The following SH3KBP1 variants were observed in gnomAD, a reference collection of about 807,000 sequenced individuals.
SH3KBP1 encodes SH3 domain-containing kinase-binding protein 1.
In SH3KBP1, 8 loss-of-function variants were observed where a neutral mutation model predicts 50.1. The observed-to-expected ratio is 0.16, with a 90% CI of 0.09 to 0.29. SH3KBP1 has a LOEUF of 0.29. Among genes scored for constraint, SH3KBP1 ranks in the 10% least tolerant of loss-of-function variants. The pLI, the probability that SH3KBP1 is intolerant of heterozygous loss-of-function variation, is 1.00. For synonymous variants in SH3KBP1, 227 were observed against 218.6 expected, an observed-to-expected ratio of 1.04 and a Z score of -0.34; for missense variants, 377 against 535.2, an observed-to-expected ratio of 0.70 and a Z score of 2.92.
At chrX:19,827,575 G>A (rs1311002329) in intron 2 of SH3KBP1, among the ~76,000 whole-genome samples, 1 of 110,966 alleles carries the variant, frequency 9.0e-6, no homozygotes, top group Non-Finnish European at 1.9e-5. Context: ...CCTTCCAGGA[G>A]AACTCAGAAG....
intron 5 of SH3KBP1, among the ~76,000 whole-genome samples, chrX:19,688,298 T>C (rs966945004): frequency 9.0e-6 from 1 of 111,419 alleles, no homozygotes; most frequent in African/African-American, 3.3e-5. Flanking sequence ...CCACTGAGGT[T>C]TGAAACCAAC....
intron 8 of SH3KBP1, among the ~76,000 whole-genome samples, chrX:19,615,542 A>G (rs2067581844): frequency 8.9e-6 from 1 of 112,250 alleles, no homozygotes; most frequent in South Asian, 3.7e-4. Flanking sequence ...CGCCTTCTGC[A>G]TAGAGCTTAG....
intron 8 of SH3KBP1, among the ~76,000 whole-genome samples, chrX:19,621,241 ATTTTTTT>A (rs35328957): frequency 6.2e-5 from 4 of 64,584 alleles, no homozygotes; most frequent in Non-Finnish European, 1.1e-4. Flanking sequence ...CACCTGGCTA[ATTTTTTT>A]TTTTTTTTTT....
intron 2 of SH3KBP1, among the ~76,000 whole-genome samples, chrX:19,772,299 T>C (rs2065811067): frequency 9.0e-6 from 1 of 111,269 alleles, no homozygotes; most frequent in South Asian, 3.8e-4. Flanking sequence ...GGAAATCCAC[T>C]GGTACAGCTG....
At chrX:19,654,625 A>G (rs1220626484) in intron 6 of SH3KBP1, among the ~76,000 whole-genome samples, 1 of 112,445 alleles carries the variant, frequency 8.9e-6, no homozygotes, top group Non-Finnish European at 1.9e-5. Flanking sequence ...ATTTGCCATC[A>G]TGCTTTAAAA....
chrX:19,813,623 C>T (rs1259165656), intron 2 of SH3KBP1, among the ~76,000 whole-genome samples: 2 of 111,699 alleles, frequency 1.8e-5, no homozygotes, highest in Non-Finnish European at 3.8e-5. Context: ...TAGCATCTCC[C>T]CTTTGCTTTC....
chrX:19,711,602 C>T (rs1183835286), intron 3 of SH3KBP1, among the ~76,000 whole-genome samples: 1 of 103,905 alleles, frequency 9.6e-6, no homozygotes, highest in African/African-American at 3.5e-5. Flanking sequence ...CCCCACCCCA[C>T]CACCTCTTTT....
chrX:19,693,024 C>T (rs2063336447), intron 5 of SH3KBP1, among the ~76,000 whole-genome samples: 1 of 111,133 alleles, frequency 9.0e-6, no homozygotes, highest in African/African-American at 3.3e-5. Context: ...CTGAGAGATA[C>T]TATTTCTCTC....
chrX:19,646,172 C>A (rs1451198039), intron 6 of SH3KBP1, among the ~76,000 whole-genome samples: 1 of 112,015 alleles, frequency 8.9e-6, no homozygotes, highest in Non-Finnish European at 1.9e-5. Flanking sequence ...GCCTCAGACC[C>A]TATGCTTCCA....
At chrX:19,629,731 A>G (rs1261566878) in intron 8 of SH3KBP1, among the ~76,000 whole-genome samples, 1 of 112,380 alleles carries the variant, frequency 8.9e-6, no homozygotes, top group African/African-American at 3.2e-5. Context: ...GATCAATGTG[A>G]AAGTCAGGTC....
chrX:19,713,720 A>G (rs542410827), intron 3 of SH3KBP1, among the ~76,000 whole-genome samples: 4 of 111,342 alleles, frequency 3.6e-5, no homozygotes, highest in African/African-American at 1.3e-4. Context: ...GAGCATTTCA[A>G]TTCCTCTTTT....
chrX:19,588,249 A>C, intron 12 of SH3KBP1: 1 of 820,140 alleles, frequency 1.2e-6, no homozygotes, highest in Non-Finnish European at 1.6e-6. Context: ...GGTCGTAGCC[A>C]CACATGAGAT....
intron 8 of SH3KBP1, among the ~76,000 whole-genome samples, chrX:19,610,954 G>A (rs181629469): frequency 4.0e-4 from 45 of 111,242 alleles, no homozygotes; most frequent in South Asian, 1.1e-3. Context: ...GCATGATCTC[G>A]GCTCACTGCA....
At chrX:19,577,737 C>CAA (rs370147117) in intron 12 of SH3KBP1, among the ~76,000 whole-genome samples, 19 of 100,178 alleles carry the variant, frequency 1.9e-4, no homozygotes, top group African/African-American at 6.5e-4. Context: ...ACAGCAGCCA[C>CAA]AAAAAAAAAA....
intron 13 of SH3KBP1, among the ~76,000 whole-genome samples, chrX:19,564,426 C>A (rs770119708): frequency 2.7e-5 from 3 of 111,423 alleles, no homozygotes; most frequent in Non-Finnish European, 5.6e-5. Context: ...CGTTTAAACA[C>A]TGGGTAGTTG....
intron 6 of SH3KBP1, among the ~76,000 whole-genome samples, chrX:19,669,751 C>T (rs2062736098): frequency 9.0e-6 from 1 of 111,664 alleles, no homozygotes; most frequent in South Asian, 3.7e-4. Flanking sequence ...CCTAGCCAAC[C>T]CCTAACGGCA....
intron 2 of SH3KBP1, among the ~76,000 whole-genome samples, chrX:19,808,743 G>A (rs1243037570): frequency 8.9e-6 from 1 of 111,778 alleles, no homozygotes; most frequent in African/African-American, 3.3e-5. Context: ...CAAATGCTCA[G>A]GTCCTGTCCT....
chrX:19,825,095 T>C (rs754218715), intron 2 of SH3KBP1, among the ~76,000 whole-genome samples: 11 of 112,058 alleles, frequency 9.8e-5, no homozygotes, highest in African/African-American at 3.6e-4. Context: ...TTACCACTGA[T>C]AGAAAAGACA....
intron 1 of SH3KBP1, among the ~76,000 whole-genome samples, chrX:19,863,496 G>A (rs755406583): frequency 8.9e-6 from 1 of 112,398 alleles, no homozygotes; most frequent in South Asian, 3.7e-4. Context: ...AAGCTCCCAC[G>A]TACTATTTCT....
Sources: allele counts gnomAD v4.1 joint callset (sites outside exome capture counted in the v4.1 genomes callset), GRCh38; gene constraint gnomAD v4.1.1; transcripts MANE v1.5; gene names NCBI Gene and HGNC (gene_info 2026-07-23, HGNC 2026-07-21).